ZCCHC14: variants seen among roughly 807,000 people sequenced by gnomAD.
ZCCHC14 encodes zinc finger CCHC-type containing 14, also known as zinc finger CCHC domain-containing protein 14.
A neutral mutation model predicts 85.0 loss-of-function variants in ZCCHC14; 16 were observed. The observed-to-expected ratio is 0.19, with a 90% CI of 0.13 to 0.29. The LOEUF is 0.29. Ranked by LOEUF, ZCCHC14 falls within the 10% of genes least tolerant of loss-of-function variation. ZCCHC14 has a pLI of 1.00. For synonymous variants in ZCCHC14, 775 were observed against 630.7 expected (o/e 1.23, Z -3.43); for missense variants, 1,303 against 1,443.5 (o/e 0.90, Z 1.58).
At chr16:87,425,794 G>C (rs1909340987) in intron 3 of ZCCHC14, among the ~76,000 whole-genome samples, 1 of 152,112 alleles carries the variant, frequency 6.6e-6, no homozygotes, top group South Asian at 2.1e-4. Flanking sequence ...CTCTTTCAAG[G>C]TAAAGCGTGT....
At chr16:87,488,063 A>G (rs540580329) in intron 1 of ZCCHC14, among the ~76,000 whole-genome samples, 1 of 152,214 alleles carries the variant, frequency 6.6e-6, no homozygotes, top group Non-Finnish European at 1.5e-5. Context: ...TTGCACAGCT[A>G]TATGACTATA....
intron 2 of ZCCHC14, among the ~76,000 whole-genome samples, chr16:87,434,131 C>G (rs75007345): frequency 6.6e-6 from 1 of 152,230 alleles, no homozygotes; most frequent in East Asian, 1.9e-4. Context: ...CGGAAGGCAT[C>G]AGCCTACTCA....
At chr16:87,471,221 A>C (rs1449112850) in intron 1 of ZCCHC14, 1 of 152,258 alleles carries the variant, frequency 6.6e-6, no homozygotes, top group African/African-American at 2.4e-5. Context: ...TTAACGTAAA[A>C]AACATAAAAC....
Position 87,492,914 on chromosome 16 carries a change from GCGGCGGCGACGGCGA to G in ZCCHC14, c.-691_-677del, listed in dbSNP as rs1235546513. ...GACGGATCCGGGCCCGAGCGCGGCG[GCGGCGGCGACGGCGA>G]CGGCGACGGCGACGGCGACGGCGGA... On this transcript the variant is annotated 5_prime_UTR_variant, in exon 1 of 13. Transcript: ENST00000671377. The surrounding 1 kb of genome is among the most constrained non-coding windows in gnomAD (Gnocchi z 6.7). 7.7e-5 allele frequency among the ~76,000 whole-genome samples: 11 copies of G among 142,620 alleles called. No individual in the cohort carries two copies. Among genetic ancestry groups the G allele is most frequent in the Non-Finnish European group, 1.3e-4 (9 of 66,914 alleles). 93.6% of individuals were successfully genotyped at this position (142,620 alleles called of 152,430 possible).
At position 87,406,924 on chromosome 16, in the gene ZCCHC14, CAGTCG is replaced by C. The variant is rs1908228422; in HGVS notation, c.*3351_*3355del. On this transcript the variant is annotated 3_prime_UTR_variant, in exon 13 of 13. Coordinates refer to ENST00000671377, the MANE Select transcript of ZCCHC14 (RefSeq NM_015144.3). ...CGCACAGGACTCTCCTCTGGGACAGCAGTCGAGTCAAGCAGGGAGACGGCTTTCCT... is the reference window on the plus strand; with the variant it reads ...CGCACAGGACTCTCCTCTGGGACAGCAGTCAAGCAGGGAGACGGCTTTCCT... 1 of 152,144 alleles carries C rather than the reference CAGTCG, an allele frequency of 6.6e-6. No homozygotes were observed. The highest frequency in any genetic ancestry group is 1.5e-5 in the Non-Finnish European group (1 of 68,040). The allele number at this position is 152,144 out of a possible 1,614,324, so 9.4% of individuals were successfully genotyped here.
At chr16:87,452,023 C>G (rs930401045) in intron 2 of ZCCHC14, among the ~76,000 whole-genome samples, 1 of 152,246 alleles carries the variant, frequency 6.6e-6, no homozygotes, top group African/African-American at 2.4e-5. Context: ...CTGCAGCGTT[C>G]TTGAGCCACC....
intron 1 of ZCCHC14, among the ~76,000 whole-genome samples, chr16:87,468,818 A>G (rs1035076241): frequency 2.0e-5 from 3 of 152,204 alleles, no homozygotes; most frequent in Non-Finnish European, 1.5e-5. Context: ...ACAGCTCCAG[A>G]GCAAGGAAGT....
At chr16:87,476,092 C>T (rs773185821) in intron 1 of ZCCHC14, among the ~76,000 whole-genome samples, 20 of 152,168 alleles carry the variant, frequency 1.3e-4, no homozygotes, top group Non-Finnish European at 2.2e-4. Context: ...TAGAAGAAAG[C>T]TGCCAACAAA....
chr16:87,489,291 T>A (rs923644919), intron 1 of ZCCHC14, among the ~76,000 whole-genome samples: 8 of 152,110 alleles, frequency 5.3e-5, no homozygotes, highest in African/African-American at 1.9e-4. Context: ...ATAATAATCC[T>A]CTCATTAAGG....
rs984063365 is a variant in ZCCHC14 at position 87,408,280 on chromosome 16, A to G, written c.*2000T>C. ...GGTTTTCAACAATTTCAGTGTTGAA[A>G]TAGGATTTATTTAAAATATTTCTTT... On this transcript the variant is annotated 3_prime_UTR_variant, in exon 13 of 13. Coordinates refer to ENST00000671377, the MANE Select transcript of ZCCHC14 (RefSeq NM_015144.3). The G allele has an allele frequency of 2.0e-5, 3 of 152,592 alleles. No individual in the cohort carries two copies. Among genetic ancestry groups the G allele is most frequent in the Non-Finnish European group, 2.9e-5 (2 of 68,040 alleles). 9.5% of individuals were successfully genotyped at this position (152,592 alleles called of 1,614,324 possible). A position where few individuals can be genotyped will look rare whatever the true frequency, so the allele number is the denominator to read the frequency against.
intron 1 of ZCCHC14, among the ~76,000 whole-genome samples, chr16:87,462,339 G>C (rs1274825545): frequency 2.0e-5 from 3 of 152,184 alleles, no homozygotes; most frequent in Admixed American, 2.0e-4. Flanking sequence ...CAAGATAATA[G>C]AACCGATACA....
At chr16:87,445,828 G>C (rs1383742597) in intron 2 of ZCCHC14, among the ~76,000 whole-genome samples, 1 of 152,086 alleles carries the variant, frequency 6.6e-6, no homozygotes, top group Admixed American at 6.6e-5. Flanking sequence ...TTAAAATAAA[G>C]CAAATTAAAT....
Position 87,492,806 on chromosome 16 carries a change from G to A in ZCCHC14, c.-568C>T, listed in dbSNP as rs961196813. The stretch of plus-strand genomic sequence containing the variant: ...CGCTGGGGGCCGCGGCCGCGAAACG[G>A]ACGCTGGAGGGGGAGGGACGCGCGG... On this transcript the variant is annotated 5_prime_UTR_variant, in exon 1 of 13. Transcript: ENST00000671377. This position sits in a 1 kb window ranked among gnomAD's most constrained non-coding sequence, Gnocchi z 6.7. 1 of 148,002 alleles carries A rather than the reference G, an allele frequency of 6.8e-6. No homozygotes were observed. The allele number at this position is 148,002 out of a possible 1,614,324, so 9.2% of individuals were successfully genotyped here.
chr16:87,412,446 C>T lies in ZCCHC14; in HGVS notation c.2275G>A (p.Ala759Thr), dbSNP rs938544671. 5.0e-6 allele frequency: 8 copies of T among 1,613,872 alleles called. No individual in the cohort carries two copies. The Admixed American group carries it at 5.0e-5, about 10-fold the overall frequency. Residue 759 changes from alanine (A) to threonine (T), a missense_variant, in exon 12 of 13, where the codon GCC becomes ACC. Around this residue, in one of 7 missense-constraint regions of ZCCHC14, gnomAD observed 797 missense variants for 730.8 expected, o/e 1.09. Transcript: ENST00000671377. ...AGGACTGTGCTGGGCGTCCCCGTGGCGGCCGTGCTGGTCTCCACGACCAGG... is the reference window on the plus strand; with the variant it reads ...AGGACTGTGCTGGGCGTCCCCGTGGTGGCCGTGCTGGTCTCCACGACCAGG... ...PALVVETSTAATGTPSTVLHA... is the reference protein window; with the variant it reads ...PALVVETSTATTGTPSTVLHA...
chr16:87,455,407 G>C (rs1003717915), intron 2 of ZCCHC14, among the ~76,000 whole-genome samples: 4 of 152,176 alleles, frequency 2.6e-5, no homozygotes, highest in Non-Finnish European at 5.9e-5. Context: ...GTGTCACATG[G>C]AGTGGCTCAA....
At chr16:87,462,366 TACAC>T (rs1911304910) in intron 1 of ZCCHC14, among the ~76,000 whole-genome samples, 1 of 152,216 alleles carries the variant, frequency 6.6e-6, no homozygotes, top group South Asian at 2.1e-4. Flanking sequence ...ATACAAATCT[TACAC>T]AAGGAGATTT....
At chr16:87,414,153 C>T (rs909525725) in intron 10 of ZCCHC14, among the ~76,000 whole-genome samples, 16 of 150,816 alleles carry the variant, frequency 1.1e-4, no homozygotes, top group African/African-American at 3.9e-4. Flanking sequence ...ACCTGCCCGG[C>T]ACACGGGCCC....
At chr16:87,432,431 G>A (rs949115750) in intron 3 of ZCCHC14, among the ~76,000 whole-genome samples, 2 of 152,174 alleles carry the variant, frequency 1.3e-5, no homozygotes, top group Non-Finnish European at 2.9e-5. Context: ...TCCTCCTGCT[G>A]CCCAGGATGA....
intron 1 of ZCCHC14, among the ~76,000 whole-genome samples, chr16:87,483,468 G>T (rs1480568430): frequency 6.6e-6 from 1 of 151,768 alleles, no homozygotes; most frequent in Non-Finnish European, 1.5e-5. Flanking sequence ...TCCAGCCTGG[G>T]TGACAGAGTG....
Sources: gnomAD v4.1 joint callset for allele counts (sites outside exome capture counted in the v4.1 genomes callset) on GRCh38, gnomAD v4.1.1 for gene constraint, gnomAD v4.1.1 regional missense constraint, Gnocchi (gnomAD v3.1) non-coding constraint, MANE v1.5 for transcripts, NCBI Gene and HGNC (gene_info 2026-07-23, HGNC 2026-07-21) for gene names.